The following DLG2 variants were observed in gnomAD, a reference collection of about 807,000 sequenced individuals.
The protein encoded by DLG2 is discs large MAGUK scaffold protein 2.
A neutral mutation model predicts 132.5 loss-of-function variants in DLG2; 45 were observed. The ratio of observed to expected loss-of-function variants is 0.34; its 90% CI spans 0.27 to 0.44. DLG2 has a LOEUF of 0.44. Ranked by LOEUF, DLG2 falls within the 20% of genes least tolerant of loss-of-function variation. DLG2 has a pLI of 1.00. For missense variants in DLG2, 1,045 were observed against 1,196.9 expected, an observed-to-expected ratio of 0.87 and a Z score of 1.87; for synonymous variants, 424 against 419.6, an observed-to-expected ratio of 1.01 and a Z score of -0.13.
intron 15 of DLG2, among the ~76,000 whole-genome samples, chr11:83,925,369 T>C (rs920381814): frequency 3.9e-5 from 6 of 152,152 alleles, no homozygotes; most frequent in Non-Finnish European, 8.8e-5. Flanking sequence ...TCATGAATTG[T>C]TCTTTGCTCA....
intron 6 of DLG2, among the ~76,000 whole-genome samples, chr11:84,616,781 C>A (rs1179894721): frequency 1.3e-5 from 2 of 152,010 alleles, no homozygotes; most frequent in African/African-American, 4.8e-5. Context: ...AGGTGCTTAA[C>A]AAATCTTAAA....
chr11:85,004,564 G>T (rs2058478940), intron 6 of DLG2, among the ~76,000 whole-genome samples: 1 of 152,042 alleles, frequency 6.6e-6, no homozygotes, highest in Non-Finnish European at 1.5e-5. Flanking sequence ...TTTTGATGCG[G>T]TTGATTTTTT....
chr11:85,121,140 G>A (rs2074264028), intron 5 of DLG2, among the ~76,000 whole-genome samples: 1 of 151,868 alleles, frequency 6.6e-6, no homozygotes, highest in Non-Finnish European at 1.5e-5. Context: ...ATGTAAACCA[G>A]TATAAAAAAG....
intron 3 of DLG2, among the ~76,000 whole-genome samples, chr11:85,427,202 A>G (rs1471066840): frequency 6.7e-6 from 1 of 149,640 alleles, no homozygotes; most frequent in South Asian, 2.1e-4. Flanking sequence ...AAAGCACTCT[A>G]CAGGATATTA....
chr11:83,858,512 C>T (rs573112919), intron 16 of DLG2, among the ~76,000 whole-genome samples: 1 of 152,242 alleles, frequency 6.6e-6, no homozygotes, highest in African/African-American at 2.4e-5. Context: ...GACTTCTGGT[C>T]TTGAATTTGT....
At chr11:85,069,560 C>T (rs1465242365) in intron 6 of DLG2, among the ~76,000 whole-genome samples, 1 of 152,146 alleles carries the variant, frequency 6.6e-6, no homozygotes, top group African/African-American at 2.4e-5. Context: ...AAATGCTCAT[C>T]ATCACTGGCC....
chr11:84,471,317 T>G (rs559793518), intron 7 of DLG2, among the ~76,000 whole-genome samples: 5 of 151,834 alleles, frequency 3.3e-5, no homozygotes, highest in African/African-American at 1.2e-4. Context: ...CCTCCTTATT[T>G]GTAATTGCTG....
At chr11:84,332,926 C>T (rs2098467612) in intron 7 of DLG2, among the ~76,000 whole-genome samples, 1 of 152,116 alleles carries the variant, frequency 6.6e-6, no homozygotes, top group Admixed American at 6.6e-5. Flanking sequence ...AGGGAGTATT[C>T]AATAAGTCTC....
chr11:84,172,107 C>G (rs2095838318), intron 8 of DLG2, among the ~76,000 whole-genome samples: 1 of 152,056 alleles, frequency 6.6e-6, no homozygotes, highest in African/African-American at 2.4e-5. Flanking sequence ...GTGTAAGTGT[C>G]AAAATTACTT....
intron 19 of DLG2, among the ~76,000 whole-genome samples, chr11:83,543,807 A>G (rs2096157037): frequency 6.6e-6 from 1 of 152,140 alleles, no homozygotes; most frequent in Non-Finnish European, 1.5e-5. Flanking sequence ...ACTCTGTGCA[A>G]AAAGGAGTTA....
chr11:83,739,356 C>A (rs953329687), intron 18 of DLG2, among the ~76,000 whole-genome samples: 1 of 152,056 alleles, frequency 6.6e-6, no homozygotes, highest in Non-Finnish European at 1.5e-5. Flanking sequence ...TTCTACTAAT[C>A]GTTTCTATGG....
intron 7 of DLG2, among the ~76,000 whole-genome samples, chr11:84,403,594 A>C (rs1270570889): frequency 4.6e-5 from 7 of 152,188 alleles, no homozygotes; most frequent in Admixed American, 4.6e-4. Flanking sequence ...CCTAAAAAAA[A>C]CAGCTATAAG....
intron 8 of DLG2, among the ~76,000 whole-genome samples, chr11:84,217,732 A>G (rs1374553844): frequency 6.6e-6 from 1 of 152,198 alleles, no homozygotes; most frequent in Non-Finnish European, 1.5e-5. Flanking sequence ...TAAAGTGCTA[A>G]TGTTCATTGT....
At chr11:85,134,337 G>A (rs1357440365) in intron 5 of DLG2, among the ~76,000 whole-genome samples, 2 of 148,954 alleles carry the variant, frequency 1.3e-5, no homozygotes, top group African/African-American at 4.9e-5. Flanking sequence ...AGACCATCCC[G>A]GCTAAAACGG....
chr11:84,910,147 C>T (rs2091922004), intron 6 of DLG2, among the ~76,000 whole-genome samples: 1 of 152,180 alleles, frequency 6.6e-6, no homozygotes, highest in Admixed American at 6.5e-5. Context: ...GGGCAGACAT[C>T]CCTGACTGAG....
chr11:84,003,313 T>C (rs953941012), intron 11 of DLG2, among the ~76,000 whole-genome samples: 4 of 152,308 alleles, frequency 2.6e-5, no homozygotes. Flanking sequence ...TTCCAACCTC[T>C]GCCTGTTACT....
At chr11:84,690,058 A>C (rs1309985270) in intron 6 of DLG2, among the ~76,000 whole-genome samples, 1 of 151,944 alleles carries the variant, frequency 6.6e-6, no homozygotes, top group Non-Finnish European at 1.5e-5. Flanking sequence ...GATCTAAAAA[A>C]GTTGACACAA....
chr11:84,140,572 T>C (rs904400609), intron 9 of DLG2, among the ~76,000 whole-genome samples: 4 of 152,164 alleles, frequency 2.6e-5, no homozygotes, highest in African/African-American at 9.7e-5. Context: ...GATGTCACTT[T>C]TGTTATTGTT....
intron 7 of DLG2, among the ~76,000 whole-genome samples, chr11:84,413,933 G>C (rs990248769): frequency 6.6e-6 from 1 of 152,100 alleles, no homozygotes; most frequent in Admixed American, 6.6e-5. Flanking sequence ...CAAGGGTATA[G>C]AACAACTATT....
Sources: allele counts gnomAD v4.1 joint callset (sites outside exome capture counted in the v4.1 genomes callset), GRCh38; gene constraint gnomAD v4.1.1; transcripts MANE v1.5; gene names NCBI Gene and HGNC (gene_info 2026-07-23, HGNC 2026-07-21).